Variants in RASSF8 observed in about 807,000 individuals in gnomAD.
The protein encoded by RASSF8 is ras association domain-containing protein 8.
Under a neutral mutation model 48.5 loss-of-function variants are expected in RASSF8, and 22 were observed. The ratio of observed to expected loss-of-function variants is 0.45; its 90% confidence interval spans 0.32 to 0.65. RASSF8 has a LOEUF of 0.65. Ranked by LOEUF, RASSF8 falls within the 30% of genes least tolerant of loss-of-function variation. The pLI, the probability that RASSF8 is intolerant of heterozygous loss-of-function variation, is 0.03. For missense variants in RASSF8, 418 were observed against 489.2 expected, an observed-to-expected ratio of 0.85 and a Z score of 1.37; for synonymous variants, 127 against 171.5, an observed-to-expected ratio of 0.74 and a Z score of 2.03.
At chr12:26,055,943 T>C (rs1392701310) in intron 3 of RASSF8, among the ~76,000 whole-genome samples, 1 of 152,180 alleles carries the variant, frequency 6.6e-6, no homozygotes, top group African/African-American at 2.4e-5. Flanking sequence ...CCCAGCACTT[T>C]GGGAGGCTGA....
chr12:26,076,916 T>A (rs1366650056), downstream of RASSF8, among the ~76,000 whole-genome samples: 1 of 152,238 alleles, frequency 6.6e-6, no homozygotes, highest in Non-Finnish European at 1.5e-5. Flanking sequence ...CCACATCCTC[T>A]CCAGCATCTG....
intron 1 of RASSF8, among the ~76,000 whole-genome samples, chr12:25,978,376 C>T (rs1025773108): frequency 1.6e-4 from 25 of 152,280 alleles, no homozygotes; most frequent in African/African-American, 5.3e-4. Flanking sequence ...AGTCACAAAC[C>T]GCCACATTCC....
chr12:26,041,067 T>G (rs1335837391), intron 2 of RASSF8, among the ~76,000 whole-genome samples: 1 of 150,606 alleles, frequency 6.6e-6, no homozygotes, highest in East Asian at 1.9e-4. Flanking sequence ...TTTTTTTTTG[T>G]ATTTTTAGTA....
intron 2 of RASSF8, among the ~76,000 whole-genome samples, chr12:26,005,704 A>G (rs926338853): frequency 6.6e-6 from 1 of 152,208 alleles, no homozygotes; most frequent in Non-Finnish European, 1.5e-5. Context: ...GTTAAGGTTC[A>G]TATCAGATGG....
intron 3 of RASSF8, among the ~76,000 whole-genome samples, chr12:26,056,045 C>T (rs7954457): frequency 1.3e-4 from 20 of 151,990 alleles, no homozygotes; most frequent in African/African-American, 3.4e-4. Context: ...ATTAGCCGGG[C>T]GTGGTGGTGC....
At chr12:26,030,269 C>T (rs1162225051) in intron 2 of RASSF8, among the ~76,000 whole-genome samples, 5 of 152,054 alleles carry the variant, frequency 3.3e-5, no homozygotes, top group Non-Finnish European at 7.4e-5. Flanking sequence ...AAAATAAAAA[C>T]TCATTTTATT....
At chr12:25,978,658 G>A (rs1007687896) in intron 1 of RASSF8, among the ~76,000 whole-genome samples, 3 of 151,764 alleles carry the variant, frequency 2.0e-5, no homozygotes, top group Admixed American at 6.6e-5. Flanking sequence ...TAAATAGATT[G>A]TATTCAAATG....
chr12:26,063,374 A>T (rs1943789499), intron 3 of RASSF8, among the ~76,000 whole-genome samples: 1 of 152,010 alleles, frequency 6.6e-6, no homozygotes, highest in Non-Finnish European at 1.5e-5. Flanking sequence ...TTCAATGTAT[A>T]TGTGATTGTA....
At chr12:26,000,499 C>T (rs997645103) in intron 2 of RASSF8, among the ~76,000 whole-genome samples, 1 of 152,010 alleles carries the variant, frequency 6.6e-6, no homozygotes, top group African/African-American at 2.4e-5. Flanking sequence ...TATGTAATTA[C>T]ATTATTAATA....
chr12:26,028,688 ATTATATG>A (rs1942966986), intron 2 of RASSF8, among the ~76,000 whole-genome samples: 1 of 152,210 alleles, frequency 6.6e-6, no homozygotes, highest in African/African-American at 2.4e-5. Flanking sequence ...TCCTTCTTGT[ATTATATG>A]TAAGGAGGGG....
chr12:26,014,154 G>C (rs1182178706), intron 2 of RASSF8, among the ~76,000 whole-genome samples: 1 of 152,194 alleles, frequency 6.6e-6, no homozygotes, highest in Non-Finnish European at 1.5e-5. Flanking sequence ...CCAAGTGGGT[G>C]CTCACTCACT....
chr12:26,057,596 G>A (rs1013069660), intron 3 of RASSF8, among the ~76,000 whole-genome samples: 40 of 152,254 alleles, frequency 2.6e-4, no homozygotes, highest in African/African-American at 6.5e-4. Context: ...ATACGTGTGC[G>A]TGTGTCTTTA....
At chr12:26,003,783 T>TA (rs1467164930) in intron 2 of RASSF8, among the ~76,000 whole-genome samples, 1 of 152,096 alleles carries the variant, frequency 6.6e-6, no homozygotes, top group Admixed American at 6.5e-5. Flanking sequence ...ATTATATTTT[T>TA]AAAAAAATCT....
intron 2 of RASSF8, among the ~76,000 whole-genome samples, chr12:26,028,452 A>C (rs951400816): frequency 1.1e-4 from 17 of 152,216 alleles, no homozygotes; most frequent in African/African-American, 3.9e-4. Context: ...TTTCTTTGGG[A>C]TTTCCTTTGG....
chr12:26,024,704 A>G (rs546178637), intron 2 of RASSF8, among the ~76,000 whole-genome samples: 72 of 152,260 alleles, frequency 4.7e-4, no homozygotes, highest in Admixed American at 9.2e-4. Context: ...CGCCCGTAAT[A>G]CCAGCACTTT....
intron 1 of RASSF8, chr12:25,959,589 A>G (rs556960735): frequency 2.0e-5 from 3 of 152,324 alleles, no homozygotes; most frequent in Admixed American, 1.3e-4. Context: ...AGGTTTTTAA[A>G]TTTCATTTGA....
At chr12:26,002,358 A>G (rs1187183958) in intron 2 of RASSF8, among the ~76,000 whole-genome samples, 4 of 152,278 alleles carry the variant, frequency 2.6e-5, no homozygotes, top group Middle Eastern at 6.8e-3. Context: ...GCTTGAACCC[A>G]GAGGGTGGAG....
chr12:25,959,428 T>C (rs566793179), intron 1 of RASSF8: 1 of 152,384 alleles, frequency 6.6e-6, no homozygotes, highest in Non-Finnish European at 1.5e-5. Context: ...CCCAGTGTCC[T>C]TGGCAAGGGA....
Position 26,041,877 on chromosome 12 carries a change from G to A in RASSF8, c.-108-13359G>A, listed in dbSNP as rs189432731. Reference sequence around the variant, plus strand: ...TATTGTACCTGTCTTAGTTTTAGATGCAAATTTCAAATTTTGCTGGATAGC... The same window carrying A: ...TATTGTACCTGTCTTAGTTTTAGATACAAATTTCAAATTTTGCTGGATAGC... On this transcript the variant is annotated intron_variant, in intron 2 of 5. Transcript: ENST00000689635. Among the ~76,000 whole-genome samples the A allele has an allele frequency of 1.5e-3, 229 of 149,110 alleles. 2 individuals are homozygous for A. Among genetic ancestry groups the A allele is most frequent in the East Asian group, 0.015 (76 of 5,182 alleles).
Sources: gnomAD v4.1 joint callset for allele counts (sites outside exome capture counted in the v4.1 genomes callset) on GRCh38, gnomAD v4.1.1 for gene constraint, MANE v1.5 for transcripts, NCBI Gene and HGNC (gene_info 2026-07-23, HGNC 2026-07-21) for gene names.